The following GLIS3 variants were observed in gnomAD, a reference collection of about 807,000 sequenced individuals.
The protein encoded by GLIS3 is zinc finger protein GLIS3.
In GLIS3, 53 loss-of-function variants were observed where a neutral mutation model predicts 78.6. That is an observed-to-expected ratio of 0.67 (90% CI 0.54 to 0.85). The LOEUF (loss-of-function observed/expected upper bound fraction) is 0.85, where lower values mean the gene tolerates loss of function less well. GLIS3 is among the 40% of genes least tolerant of loss of function. GLIS3 has a pLI of 0.00. For synonymous variants in GLIS3, 684 were observed against 509.9 expected (o/e 1.34, Z -4.60); for missense variants, 1,703 against 1,231.1 (o/e 1.38, Z -5.74).
the GLIS3 span, among the ~76,000 whole-genome samples, chr9:4,407,422 G>A: frequency 1.4e-4 from 22 of 152,308 alleles, no homozygotes; most frequent in South Asian, 2.3e-3. Flanking sequence ...GAGGCAGGTG[G>A]ATCACGAGGT....
chr9:4,462,064 G>T, the GLIS3 span, among the ~76,000 whole-genome samples: 12 of 152,178 alleles, frequency 7.9e-5, no homozygotes, highest in African/African-American at 2.9e-4. Flanking sequence ...GAGTTGGCAT[G>T]TCTGTGTTAC....
chr9:4,350,825 G>GT (rs1817961555), upstream of GLIS3, among the ~76,000 whole-genome samples: 1 of 149,886 alleles, frequency 6.7e-6, no homozygotes, highest in South Asian at 2.1e-4. Flanking sequence ...GTTTTTGTTT[G>GT]TTTTTGTTTT....
intron 4 of GLIS3, among the ~76,000 whole-genome samples, chr9:3,958,862 A>G (rs1237151854): frequency 9.9e-5 from 15 of 152,260 alleles, no homozygotes; most frequent in Non-Finnish European, 2.2e-4. Context: ...GCTAAAGCCC[A>G]GAGGTGGAAA....
chr9:4,335,529 T>C (rs1182902843), intron 2 of GLIS3, among the ~76,000 whole-genome samples: 5 of 152,162 alleles, frequency 3.3e-5, no homozygotes, highest in African/African-American at 1.2e-4. Flanking sequence ...CCTTCAAGTG[T>C]GAAAAACAGG....
At chr9:3,966,376 G>A (rs115756675) in intron 4 of GLIS3, among the ~76,000 whole-genome samples, 2,480 of 151,626 alleles carry the variant, frequency 0.016, 74 homozygotes, top group African/African-American at 0.058. Context: ...CAAGAATTAT[G>A]ACACTGTAAT....
At chr9:4,389,611 C>A in the GLIS3 span, among the ~76,000 whole-genome samples, 1 of 152,146 alleles carries the variant, frequency 6.6e-6, no homozygotes, top group Non-Finnish European at 1.5e-5. Context: ...GCTAAATATA[C>A]TTCTTAGTCC....
intron 2 of GLIS3, among the ~76,000 whole-genome samples, chr9:4,326,158 T>C (rs972531377): frequency 6.6e-5 from 10 of 152,150 alleles, no homozygotes; most frequent in African/African-American, 2.4e-4. Context: ...GGCACACATT[T>C]ACCTATGTAA....
At chr9:4,303,331 AAGTT>A (rs1450562673), upstream of GLIS3, among the ~76,000 whole-genome samples, 6 of 152,100 alleles carry the variant, frequency 3.9e-5, no homozygotes, top group Non-Finnish European at 7.3e-5. Flanking sequence ...GCAGTGGAAA[AAGTT>A]AGTGTTTGCC....
At chr9:4,227,136 G>A (rs1821840496) in intron 2 of GLIS3, among the ~76,000 whole-genome samples, 1 of 152,110 alleles carries the variant, frequency 6.6e-6, no homozygotes, top group Non-Finnish European at 1.5e-5. Flanking sequence ...GGAGGCACTG[G>A]AGCCTCAGGT....
At chr9:4,260,556 G>C (rs1334951853) in intron 2 of GLIS3, among the ~76,000 whole-genome samples, 2 of 136,170 alleles carry the variant, frequency 1.5e-5, no homozygotes, top group African/African-American at 2.8e-5. Context: ...AACTGAGTGA[G>C]ACTCTGTCTC....
chr9:4,179,804 G>T (rs1378416244), intron 2 of GLIS3, among the ~76,000 whole-genome samples: 1 of 151,988 alleles, frequency 6.6e-6, no homozygotes, highest in Non-Finnish European at 1.5e-5. Flanking sequence ...CAGCTACCCA[G>T]GAGGCTGAGG....
the GLIS3 span, among the ~76,000 whole-genome samples, chr9:4,398,571 G>A: frequency 1.8e-3 from 272 of 152,048 alleles, 2 homozygotes; most frequent in Non-Finnish European, 2.3e-3. Flanking sequence ...CTCAATTTAA[G>A]GGCTAGGTCA....
intron 4 of GLIS3, among the ~76,000 whole-genome samples, chr9:4,109,561 T>C (rs1465274977): frequency 6.6e-6 from 1 of 152,234 alleles, no homozygotes; most frequent in South Asian, 2.1e-4. Context: ...TAAGAGATAA[T>C]GGAGAAGACC....
intron 2 of GLIS3, among the ~76,000 whole-genome samples, chr9:4,255,781 A>T (rs1473659823): frequency 6.6e-6 from 1 of 152,120 alleles, no homozygotes; most frequent in East Asian, 1.9e-4. Flanking sequence ...ACACTATAAT[A>T]CTAGATACAT....
chr9:3,932,400 A>T lies in GLIS3; in HGVS notation c.1943T>A (p.Val648Glu). The change falls in exon 6 of 11, where the codon GTG becomes GAG. Residue 648 changes from valine (V) to glutamate (E), a missense_variant. Coordinates refer to ENST00000381971, the MANE Select transcript of GLIS3 (RefSeq NM_001042413.2). ...YTDPSSLRKH[V>E]KAHSSKEQQA... ...TTGCTCTTTGGAAGAATGTGCCTTC[A>T]CATGCTTTCTTAGGGAACTTGGGTC... is the stretch of plus-strand genomic sequence containing the variant. 1 of 1,613,860 alleles carries T rather than the reference A, an allele frequency of 6.2e-7. No homozygotes were observed. Among genetic ancestry groups the T allele is most frequent in the Non-Finnish European group, 8.5e-7 (1 of 1,179,832 alleles).
intron 4 of GLIS3, among the ~76,000 whole-genome samples, chr9:3,997,666 T>C (rs1283244376): frequency 6.6e-6 from 1 of 151,790 alleles, no homozygotes; most frequent in East Asian, 1.9e-4. Context: ...TATGACTATC[T>C]CTGCAGGAAT....
chr9:3,962,191 T>C (rs1817611478), intron 4 of GLIS3, among the ~76,000 whole-genome samples: 1 of 151,988 alleles, frequency 6.6e-6, no homozygotes, highest in Admixed American at 6.6e-5. Flanking sequence ...CTGCACTTCA[T>C]CTTGGGGAAC....
chr9:4,302,812 A>G (rs1260268212), upstream of GLIS3, among the ~76,000 whole-genome samples: 1 of 152,228 alleles, frequency 6.6e-6, no homozygotes, highest in Non-Finnish European at 1.5e-5. Flanking sequence ...AGATGAGCAC[A>G]ATGAAGTTTG....
At chr9:3,892,207 AC>A (rs1473124908) in intron 7 of GLIS3, among the ~76,000 whole-genome samples, 3 of 152,100 alleles carry the variant, frequency 2.0e-5, no homozygotes, top group Non-Finnish European at 4.4e-5. Context: ...TCAGGAGCAA[AC>A]CCAGGTCACA....
Sources: allele counts gnomAD v4.1 joint callset (sites outside exome capture counted in the v4.1 genomes callset), GRCh38; gene constraint gnomAD v4.1.1; transcripts MANE v1.5; gene names NCBI Gene and HGNC (gene_info 2026-07-23, HGNC 2026-07-21).